The following AMZ1 variants were observed in gnomAD, a reference collection of about 807,000 sequenced individuals.
AMZ1 encodes archaemetzincin-1.
Under a neutral mutation model 29.9 loss-of-function variants are expected in AMZ1, and 39 were observed. The ratio of observed to expected loss-of-function variants is 1.30; its 90% CI spans 1.01 to 1.70. The LOEUF is 1.70. AMZ1 is among the 40% of genes most tolerant of loss of function. The probability of loss-of-function intolerance (pLI) is 0.00; values close to 1 mark genes in which losing one functional copy is unlikely to be tolerated. For missense variants in AMZ1, 1,041 were observed against 680.6 expected (o/e 1.53, Z -5.89); for synonymous variants, 458 against 304.0 (o/e 1.51, Z -5.27).
chr7:2,717,376 G>C lies in AMZ1; in HGVS notation c.*4498G>C, dbSNP rs1156817036. On this transcript the variant is annotated 3_prime_UTR_variant, in exon 7 of 7. Coordinates refer to ENST00000683327, the MANE Select transcript of AMZ1 (RefSeq NM_001384743.1). The stretch of plus-strand genomic sequence containing the variant: ...AAACGACGGCCCGTCCTCTAAGCTG[G>C]CTTTGCAGCTCCAGTAAGAGTGAGA... 6.6e-6 allele frequency among the ~76,000 whole-genome samples: 1 copy of C among 152,230 alleles called. No homozygotes were observed. The highest frequency in any genetic ancestry group is 6.5e-5 in the Admixed American group (1 of 15,290).
intron 2 of AMZ1, chr7:2,702,507 G>A (rs1031152518): frequency 1.0e-5 from 6 of 588,202 alleles, no homozygotes; most frequent in African/African-American, 1.9e-5. Context: ...CCTTTCATCT[G>A]TGCATGAATC....
chr7:2,710,130 G>T (rs751058872), intron 6 of AMZ1, among the ~76,000 whole-genome samples: 1 of 152,200 alleles, frequency 6.6e-6, no homozygotes, highest in Non-Finnish European at 1.5e-5. Flanking sequence ...CGGGTGGCAC[G>T]GTCTTCCCAG....
intron 1 of AMZ1, among the ~76,000 whole-genome samples, chr7:2,681,684 C>T (rs778063789): frequency 5.3e-5 from 8 of 152,134 alleles, no homozygotes; most frequent in Non-Finnish European, 1.0e-4. Flanking sequence ...ATTGGAGATT[C>T]GTCCCCACGT....
At position 2,712,660 on chromosome 7, in the gene AMZ1, C is replaced by A; in HGVS notation, c.1279C>A (p.Leu427Met). 1.2e-6 allele frequency: 2 copies of A among 1,613,078 alleles called. No homozygotes were observed. The highest frequency in any genetic ancestry group is 1.7e-6 in the Non-Finnish European group (2 of 1,179,912). The change falls in exon 7 of 7, where the codon CTG becomes ATG. Residue 427 changes from leucine (L) to methionine (M), a missense_variant. By Grantham distance (15) the Leu-to-Met change is conservative. Coordinates refer to ENST00000683327, the MANE Select transcript of AMZ1 (RefSeq NM_001384743.1). ...GCAGCGGGAAGTGGCAGAGGAGGACCTGGTGCAGGTGGACAGAGCCGTGGA... is the reference window on the plus strand; with the variant it reads ...GCAGCGGGAAGTGGCAGAGGAGGACATGGTGCAGGTGGACAGAGCCGTGGA... The part of the protein sequence containing the change: ...ALQREVAEED[L>M]VQVDRAVDAL...
chr7:2,691,129 G>GCAAGGCTCC (rs1340067990), intron 1 of AMZ1, among the ~76,000 whole-genome samples: 19 of 71,912 alleles, frequency 2.6e-4, no homozygotes, highest in African/African-American at 7.5e-4. Context: ...GGGTGACAGA[G>GCAAGGCTCC]GCAAAAAAAA....
intron 4 of AMZ1, among the ~76,000 whole-genome samples, chr7:2,753,352 T>C (rs1264474456): frequency 6.6e-6 from 1 of 152,118 alleles, no homozygotes; most frequent in African/African-American, 2.4e-5. Flanking sequence ...GATCTTGCTA[T>C]GTTGTCCAGG....
intron 1 of AMZ1, among the ~76,000 whole-genome samples, chr7:2,695,986 G>A (rs1787693435): frequency 6.7e-6 from 1 of 149,790 alleles, no homozygotes; most frequent in Non-Finnish European, 1.5e-5. Context: ...TCCAGCCTGG[G>A]TGACAGAGCG....
chr7:2,720,957 G>A (rs1789393385), downstream of AMZ1, among the ~76,000 whole-genome samples: 1 of 152,224 alleles, frequency 6.6e-6, no homozygotes, highest in Admixed American at 6.5e-5. Context: ...TGGATTACAG[G>A]TGTGAGTCAC....
intron 1 of AMZ1, 84 bp downstream of exon 1, chr7:2,688,380 G>A (rs1397608516): frequency 1.3e-5 from 2 of 151,786 alleles, no homozygotes; most frequent in Non-Finnish European, 2.9e-5. Context: ...GGGCAGCTCC[G>A]GGTCCAGCCC....
intron 4 of AMZ1, among the ~76,000 whole-genome samples, chr7:2,733,779 C>A (rs967102164): frequency 6.6e-6 from 1 of 152,208 alleles, no homozygotes; most frequent in African/African-American, 2.4e-5. Flanking sequence ...GCGATGCAGG[C>A]CCCTCTGATG....
At chr7:2,696,392 G>T (rs1383053120) in intron 1 of AMZ1, among the ~76,000 whole-genome samples, 1 of 150,854 alleles carries the variant, frequency 6.6e-6, no homozygotes, top group South Asian at 2.1e-4. Context: ...AAGTAGCTGG[G>T]ACTACAGGCG....
chr7:2,681,148 G>C (rs1786868901), intron 1 of AMZ1, among the ~76,000 whole-genome samples: 1 of 152,216 alleles, frequency 6.6e-6, no homozygotes, highest in Non-Finnish European at 1.5e-5. Context: ...TGAGCTCGGT[G>C]CCACTCAGGC....
chr7:2,735,789 G>A (rs1007141680), intron 4 of AMZ1, among the ~76,000 whole-genome samples: 2 of 152,154 alleles, frequency 1.3e-5, no homozygotes, highest in African/African-American at 4.8e-5. Flanking sequence ...TTCATGTCAG[G>A]GCGGCCTCAT....
intron 4 of AMZ1, chr7:2,730,178 G>A (rs940545096): frequency 6.6e-6 from 1 of 152,396 alleles, no homozygotes; most frequent in Non-Finnish European, 1.5e-5. Flanking sequence ...TCTGCTAGTG[G>A]CCTTGCCAGC....
intron 3 of AMZ1, among the ~76,000 whole-genome samples, chr7:2,704,722 G>C (rs1378255308): frequency 1.3e-5 from 2 of 149,338 alleles, no homozygotes. Flanking sequence ...TCAGCCTCCC[G>C]AGTAGCTGGG....
rs1377555588 is a variant in AMZ1, at chr7:2,692,392, A to AG, written c.-219+4096_-219+4097insG. ...ATCTCTACTAAAAATACAAAAAAAA[A>AG]TTAGCCGGGTGTGGTGGCGGGCGCC... On this transcript the variant is annotated intron_variant, in intron 1 of 6. Transcript: ENST00000683327. 2.0e-5 allele frequency among the ~76,000 whole-genome samples: 3 copies of AG among 152,202 alleles called. 1 individual carries two copies. The East Asian group carries it at 5.8e-4, about 29-fold the overall frequency.
At position 2,712,331 on chromosome 7, in the gene AMZ1, G is replaced by A. The variant is rs200486156; in HGVS notation, c.950G>A (p.Arg317Lys). The A allele has an allele frequency of 3.2e-6, 5 of 1,569,720 alleles. No homozygotes were observed. The highest frequency in any genetic ancestry group is 4.5e-5 in the East Asian group (2 of 44,460). The change falls in exon 7 of 7, where the codon AGA (arginine) becomes AAA (lysine). Residue 317 changes from arginine (R) to lysine (K), a missense_variant and splice_region_variant. Coordinates refer to ENST00000683327, the MANE Select transcript of AMZ1 (RefSeq NM_001384743.1). Reference sequence around the variant, plus strand: ...TCAGCCTGTGTTTCTCCCTCTTAGAGACTCTACACCTGGACTCAGGCGGTG... The same window carrying A: ...TCAGCCTGTGTTTCTCCCTCTTAGAAACTCTACACCTGGACTCAGGCGGTG... The part of the protein sequence containing the change: ...LGFRLIERYQ[R>K]LYTWTQAVVG...
At position 2,715,738 on chromosome 7, in the gene AMZ1, G is replaced by T. The variant is rs13438342; in HGVS notation, c.*2860G>T. ...TAGCCCCAGGTTCTGTCTGTGCTGT[G>T]GTGAAGAGTGACTTGGGACAGTCAC... On this transcript the variant is annotated 3_prime_UTR_variant, in exon 7 of 7. Coordinates refer to ENST00000683327, the MANE Select transcript of AMZ1 (RefSeq NM_001384743.1). The T allele has an allele frequency of 0.34, 51,909 of 152,088 alleles. 9,483 individuals are homozygous for T. Among genetic ancestry groups the T allele is most frequent in the African/African-American group, 0.47 (19,361 of 41,462 alleles). 9.4% of individuals were successfully genotyped at this position (152,088 alleles called of 1,614,324 possible).
intron 4 of AMZ1, among the ~76,000 whole-genome samples, chr7:2,742,098 T>G (rs559427941): frequency 6.6e-6 from 1 of 152,158 alleles, no homozygotes; most frequent in East Asian, 1.9e-4. Context: ...CTCAGCTCAC[T>G]GCAGCCTCCG....
Sources: gnomAD v4.1 joint callset for allele counts (sites outside exome capture counted in the v4.1 genomes callset) on GRCh38, gnomAD v4.1.1 for gene constraint, MANE v1.5 for transcripts, NCBI Gene and HGNC (gene_info 2026-07-23, HGNC 2026-07-21) for gene names.